SDK1: variants seen among roughly 807,000 people sequenced by gnomAD.
SDK1 encodes the protein sidekick cell adhesion molecule 1.
A neutral mutation model predicts 245.5 loss-of-function variants in SDK1; 157 were observed. The ratio of observed to expected loss-of-function variants is 0.64; its 90% CI spans 0.56 to 0.73. The LOEUF (loss-of-function observed/expected upper bound fraction) is 0.73, where lower values mean the gene tolerates loss of function less well. Ranked by LOEUF, SDK1 falls within the 30% of genes least tolerant of loss-of-function variation. The pLI, the probability that SDK1 is intolerant of heterozygous loss-of-function variation, is 0.00. For synonymous variants in SDK1, 1,647 were observed against 1,278.5 expected, an observed-to-expected ratio of 1.29 and a Z score of -6.15; for missense variants, 3,583 against 3,002.3, an observed-to-expected ratio of 1.19 and a Z score of -4.52.
At chr7:3,898,492 A>G (rs1043947413) in intron 5 of SDK1, among the ~76,000 whole-genome samples, 3 of 152,278 alleles carry the variant, frequency 2.0e-5, no homozygotes, top group African/African-American at 7.2e-5. Flanking sequence ...AATGAAAATT[A>G]CTCACTTTTC....
Position 4,266,656 on chromosome 7 carries a change from C to T in SDK1, c.*1272C>T. 1.0e-6 allele frequency: 1 copy of T among 985,462 alleles called. No homozygotes were observed. The highest frequency in any genetic ancestry group is 1.2e-6 in the Non-Finnish European group (1 of 829,938). The allele number at this position is 985,462 out of a possible 1,614,324, so 61.0% of individuals were successfully genotyped here. On this transcript the variant is annotated 3_prime_UTR_variant, in exon 45 of 45. Transcript: ENST00000404826. ...GTATGAACTACTTTGGAAAACTTAACAGCTCAGAGATGGCCATGCCTCCAG... is the reference window on the plus strand; with the variant it reads ...GTATGAACTACTTTGGAAAACTTAATAGCTCAGAGATGGCCATGCCTCCAG...
At position 4,110,763 on chromosome 7, in the gene SDK1, C is replaced by T. The variant is rs1474729069; in HGVS notation, c.3425C>T (p.Thr1142Ile). 6.2e-7 allele frequency: 1 copy of T among 1,609,152 alleles called. No homozygotes were observed. The highest frequency in any genetic ancestry group is 1.3e-5 in the African/African-American group (1 of 74,852). The change falls in exon 23 of 45, where the codon ACT becomes ATT. Residue 1142 changes from threonine to isoleucine, a missense_variant. Coordinates refer to ENST00000404826, the MANE Select transcript of SDK1 (RefSeq NM_152744.4). ...MLEIPNLTPY[T>I]HYRFRMKQVN... ...GAGATCCCAAACCTCACACCCTACACTCACTACAGGTGAGAACAGCAGTGA... is the reference window on the plus strand; with the variant it reads ...GAGATCCCAAACCTCACACCCTACATTCACTACAGGTGAGAACAGCAGTGA...
chr7:3,527,799 G>A (rs1466153732), intron 1 of SDK1, among the ~76,000 whole-genome samples: 1 of 151,444 alleles, frequency 6.6e-6, no homozygotes, highest in Non-Finnish European at 1.5e-5. Context: ...CCAGCTAGAG[G>A]GTGAATGTTA....
chr7:4,169,977 C>T (rs1781737702), intron 32 of SDK1, among the ~76,000 whole-genome samples: 1 of 152,340 alleles, frequency 6.6e-6, no homozygotes, highest in Admixed American at 6.5e-5. Flanking sequence ...ACAGAAACCA[C>T]TCTGTCTCCT....
chr7:3,515,251 C>G (rs1055889660), intron 1 of SDK1, among the ~76,000 whole-genome samples: 1 of 152,082 alleles, frequency 6.6e-6, no homozygotes, highest in Non-Finnish European at 1.5e-5. Context: ...GAGAACACCT[C>G]TAGGAGGAAA....
At chr7:4,069,599 C>G in intron 20 of SDK1, among the ~76,000 whole-genome samples, 1 of 152,226 alleles carries the variant, frequency 6.6e-6, no homozygotes, top group East Asian at 1.9e-4. Context: ...TTCTGTGAAG[C>G]AAGCTTATGC....
At chr7:3,919,607 T>G (rs1019033966) in intron 5 of SDK1, among the ~76,000 whole-genome samples, 1 of 152,220 alleles carries the variant, frequency 6.6e-6, no homozygotes, top group Non-Finnish European at 1.5e-5. Context: ...ACGTGTTTTG[T>G]GCTCCATAGA....
At chr7:4,049,595 G>A in intron 18 of SDK1, 132 bp downstream of exon 18, 1 of 650,632 alleles carries the variant, frequency 1.5e-6, no homozygotes, top group Non-Finnish European at 2.7e-6. Flanking sequence ...TGACCTTGGT[G>A]AGACCACCAT....
intron 4 of SDK1, among the ~76,000 whole-genome samples, chr7:3,798,015 A>G (rs967503276): frequency 2.0e-5 from 3 of 152,142 alleles, no homozygotes; most frequent in Non-Finnish European, 4.4e-5. Flanking sequence ...AACATCTTAC[A>G]TGACCCTAGT....
intron 1 of SDK1, among the ~76,000 whole-genome samples, chr7:3,524,758 C>G (rs1179829434): frequency 1.3e-5 from 2 of 152,108 alleles, no homozygotes; most frequent in African/African-American, 4.8e-5. Context: ...AACTGTTGCA[C>G]AGGCATTTCG....
intron 1 of SDK1, among the ~76,000 whole-genome samples, chr7:3,611,120 C>T (rs577688560): frequency 2.0e-5 from 3 of 152,184 alleles, no homozygotes; most frequent in African/African-American, 7.2e-5. Flanking sequence ...AGGTAAAATA[C>T]AGAGAAGTTG....
At chr7:3,808,711 A>G (rs760481962) in intron 4 of SDK1, among the ~76,000 whole-genome samples, 3 of 152,086 alleles carry the variant, frequency 2.0e-5, no homozygotes, top group Non-Finnish European at 4.4e-5. Context: ...CTGTTTGACC[A>G]TTTCCCTGTA....
At chr7:4,126,061 C>T (rs1472556138) in intron 25 of SDK1, among the ~76,000 whole-genome samples, 1 of 152,152 alleles carries the variant, frequency 6.6e-6, no homozygotes, top group Non-Finnish European at 1.5e-5. Context: ...CAGAGTGAAC[C>T]CCCGAATGGG....
intron 1 of SDK1, among the ~76,000 whole-genome samples, chr7:3,478,045 T>C (rs760375244): frequency 6.6e-6 from 1 of 152,218 alleles, no homozygotes; most frequent in East Asian, 1.9e-4. Flanking sequence ...TAGGAAACTT[T>C]AGGCTGTTGG....
Position 4,049,476 on chromosome 7 carries a change from G to A in SDK1, c.2718+13G>A. The A allele has an allele frequency of 6.3e-7, 1 of 1,589,738 alleles. No individual in the cohort carries two copies. The highest frequency in any genetic ancestry group is 1.1e-5 in the South Asian group (1 of 90,570). ...CCAGGGATACAAGGTACGTGGCCTGGGTTCAGGGCCTGTGGGCAGCTGTCA... is the reference window on the plus strand; with the variant it reads ...CCAGGGATACAAGGTACGTGGCCTGAGTTCAGGGCCTGTGGGCAGCTGTCA... On this transcript the variant is annotated intron_variant, in intron 18 of 44. Coordinates refer to ENST00000404826, the MANE Select transcript of SDK1 (RefSeq NM_152744.4).
At chr7:4,177,779 A>G (rs1782307007) in intron 34 of SDK1, among the ~76,000 whole-genome samples, 1 of 152,196 alleles carries the variant, frequency 6.6e-6, no homozygotes, top group Admixed American at 6.5e-5. Flanking sequence ...CATAATATAG[A>G]ATAGAGTGAA....
At chr7:3,576,622 A>G (rs1168345376) in intron 1 of SDK1, among the ~76,000 whole-genome samples, 1 of 151,962 alleles carries the variant, frequency 6.6e-6, no homozygotes, top group Non-Finnish European at 1.5e-5. Flanking sequence ...GTAAGTCATA[A>G]TATATTCTGT....
intron 5 of SDK1, among the ~76,000 whole-genome samples, chr7:3,916,055 C>T (rs569906851): frequency 6.6e-6 from 1 of 152,084 alleles, no homozygotes; most frequent in African/African-American, 2.4e-5. Flanking sequence ...AAAAGAAACA[C>T]AAGTCATAGT....
At chr7:4,250,302 C>G (rs1370128707) in intron 44 of SDK1, among the ~76,000 whole-genome samples, 5 of 151,898 alleles carry the variant, frequency 3.3e-5, no homozygotes, top group African/African-American at 9.7e-5. Flanking sequence ...TTATAGGAAA[C>G]AAACATGTTG....
Sources: allele counts gnomAD v4.1 joint callset (sites outside exome capture counted in the v4.1 genomes callset), GRCh38; gene constraint gnomAD v4.1.1; transcripts MANE v1.5; gene names NCBI Gene and HGNC (gene_info 2026-07-23, HGNC 2026-07-21).